The following CACNA2D1 variants were observed in gnomAD, a reference collection of about 807,000 sequenced individuals.
CACNA2D1 encodes the protein calcium voltage-gated channel auxiliary subunit alpha2delta 1.
CACNA2D1 carries 53 observed loss-of-function variants against 171.5 expected under a neutral mutation model. The observed-to-expected ratio is 0.31, with a 90% CI of 0.25 to 0.39. The LOEUF (loss-of-function observed/expected upper bound fraction) is 0.39, where lower values mean the gene tolerates loss of function less well. CACNA2D1 is among the 10% of genes least tolerant of loss of function. The probability of loss-of-function intolerance (pLI) is 1.00; values close to 1 mark genes in which losing one functional copy is unlikely to be tolerated. For missense variants in CACNA2D1, 903 were observed against 1,299.8 expected (o/e 0.69, Z 4.69); for synonymous variants, 442 against 443.1 (o/e 1.00, Z 0.03).
At chr7:82,062,451 T>C (rs538335823) in intron 9 of CACNA2D1, among the ~76,000 whole-genome samples, 1 of 152,320 alleles carries the variant, frequency 6.6e-6, no homozygotes, top group African/African-American at 2.4e-5. Context: ...GCTTTCCTGA[T>C]ACATTAAATC....
intron 1 of CACNA2D1, among the ~76,000 whole-genome samples, chr7:82,440,923 A>G (rs1830453442): frequency 6.6e-6 from 1 of 151,792 alleles, no homozygotes; most frequent in Admixed American, 6.6e-5. Flanking sequence ...TCTTCAGCTG[A>G]TAAAAACTTC....
chr7:82,010,336 A>G (rs752198809), intron 15 of CACNA2D1, among the ~76,000 whole-genome samples: 2 of 151,828 alleles, frequency 1.3e-5, no homozygotes, highest in Non-Finnish European at 2.9e-5. Flanking sequence ...AGTAAAAATA[A>G]CGCTATATGT....
At chr7:81,978,347 A>G (rs1796069447) in intron 24 of CACNA2D1, among the ~76,000 whole-genome samples, 2 of 152,194 alleles carry the variant, frequency 1.3e-5, no homozygotes, top group African/African-American at 2.4e-5. Flanking sequence ...ATGCTGATCA[A>G]TGATATAGAC....
intron 1 of CACNA2D1, among the ~76,000 whole-genome samples, chr7:82,362,240 T>C (rs1217529418): frequency 1.3e-5 from 2 of 152,186 alleles, no homozygotes; most frequent in African/African-American, 4.8e-5. Flanking sequence ...TTTTTTGTCA[T>C]TATTAGTCAT....
At chr7:82,124,258 G>A (rs947289429) in intron 5 of CACNA2D1, among the ~76,000 whole-genome samples, 3 of 152,054 alleles carry the variant, frequency 2.0e-5, no homozygotes, top group Non-Finnish European at 2.9e-5. Context: ...AAATCAAAAG[G>A]AAAACTCAAC....
At chr7:82,392,108 T>A (rs542659599) in intron 1 of CACNA2D1, among the ~76,000 whole-genome samples, 4 of 152,322 alleles carry the variant, frequency 2.6e-5, no homozygotes, top group East Asian at 3.9e-4. Context: ...TCTCTTCCCA[T>A]GTGGCACACT....
Position 82,117,129 on chromosome 7 carries a change from A to G in CACNA2D1, c.441T>C (p.Pro147=). 6.2e-7 allele frequency: 1 copy of G among 1,613,922 alleles called. No individual in the cohort carries two copies. The highest frequency in any genetic ancestry group is 1.1e-5 in the South Asian group (1 of 91,080). ...DSEPGSQRIK[P]VFIEDANFGR... ...CAAAATTAGCATCTTCAATGAAAAC[A>G]GGTTTTATCCTCTGGCTGCCTGGCT... Residue 147 remains proline, a synonymous_variant, in exon 6 of 39, where the codon CCT becomes CCC. Coordinates refer to ENST00000356860, the MANE Select transcript of CACNA2D1 (RefSeq NM_000722.4).
chr7:82,212,964 G>A (rs895288883), intron 3 of CACNA2D1, among the ~76,000 whole-genome samples: 9 of 151,376 alleles, frequency 5.9e-5, no homozygotes, highest in Admixed American at 1.3e-4. Flanking sequence ...GCAATGGTGC[G>A]ATCTCAGCTC....
intron 24 of CACNA2D1, among the ~76,000 whole-genome samples, chr7:81,978,774 C>T (rs932556181): frequency 9.7e-5 from 11 of 113,812 alleles, no homozygotes; most frequent in Admixed American, 3.7e-4. Context: ...TATATATACA[C>T]ACACACACAC....
At chr7:82,138,206 T>C (rs938176071) in intron 4 of CACNA2D1, among the ~76,000 whole-genome samples, 2 of 151,958 alleles carry the variant, frequency 1.3e-5, no homozygotes, top group Admixed American at 6.6e-5. Flanking sequence ...ACCACGAGAC[T>C]GAAACTCTAA....
intron 3 of CACNA2D1, among the ~76,000 whole-genome samples, chr7:82,259,877 T>G (rs1806848822): frequency 6.6e-6 from 1 of 152,228 alleles, no homozygotes. Context: ...TCTCTAAAAT[T>G]GATATAATTA....
chr7:82,300,010 A>G (rs1305417782), intron 3 of CACNA2D1, among the ~76,000 whole-genome samples: 2 of 152,194 alleles, frequency 1.3e-5, no homozygotes, highest in African/African-American at 4.8e-5. Flanking sequence ...TGAAACAAAC[A>G]AAAACTTGAA....
chr7:82,270,483 C>T (rs1808476841), intron 3 of CACNA2D1, among the ~76,000 whole-genome samples: 1 of 152,034 alleles, frequency 6.6e-6, no homozygotes, highest in African/African-American at 2.4e-5. Flanking sequence ...GTTTATTTAT[C>T]CAATCTTTCG....
rs187174068 is a variant in CACNA2D1, at chr7:82,206,060, T to G, written c.295-35451A>C. Reference sequence around the variant, plus strand: ...GACAATTTGTTTCTGAAGTATATGATTCTTCTATTAATCATGACTTTAAAA... The same window carrying G: ...GACAATTTGTTTCTGAAGTATATGAGTCTTCTATTAATCATGACTTTAAAA... On this transcript the variant is annotated intron_variant, in intron 3 of 38. Coordinates refer to ENST00000356860, the MANE Select transcript of CACNA2D1 (RefSeq NM_000722.4). Among the ~76,000 whole-genome samples, 361 of 152,230 alleles carry G rather than the reference T, an allele frequency of 2.4e-3. 2 individuals are homozygous for G. The highest frequency in any genetic ancestry group is 8.3e-3 in the African/African-American group (345 of 41,582).
chr7:82,316,231 C>T (rs1356859413), intron 3 of CACNA2D1, among the ~76,000 whole-genome samples: 1 of 152,072 alleles, frequency 6.6e-6, no homozygotes, highest in African/African-American at 2.4e-5. Context: ...CAGTATTCAA[C>T]ACTGTTCTAA....
intron 12 of CACNA2D1, among the ~76,000 whole-genome samples, chr7:82,027,238 G>A (rs1802043609): frequency 6.6e-6 from 1 of 151,532 alleles, no homozygotes; most frequent in African/African-American, 2.4e-5. Flanking sequence ...TAAGGGGATG[G>A]GTACTCAATT....
intron 3 of CACNA2D1, among the ~76,000 whole-genome samples, chr7:82,289,244 A>T (rs2129392468): frequency 6.6e-6 from 1 of 152,324 alleles, no homozygotes. Flanking sequence ...TGACTTTAAG[A>T]ATCAAGTATC....
intron 12 of CACNA2D1, among the ~76,000 whole-genome samples, chr7:82,030,418 A>C (rs914204452): frequency 7.9e-5 from 12 of 151,334 alleles, no homozygotes; most frequent in African/African-American, 1.5e-4. Flanking sequence ...AAAAAAAAAA[A>C]CAAAAAACAC....
At chr7:82,003,242 A>C in intron 18 of CACNA2D1, among the ~76,000 whole-genome samples, 1 of 152,204 alleles carries the variant, frequency 6.6e-6, no homozygotes, top group Admixed American at 6.5e-5. Flanking sequence ...TTTCTTTTTC[A>C]TGGTGTTCTG....
Sources: allele counts gnomAD v4.1 joint callset (sites outside exome capture counted in the v4.1 genomes callset), GRCh38; gene constraint gnomAD v4.1.1; transcripts MANE v1.5; gene names NCBI Gene and HGNC (gene_info 2026-07-23, HGNC 2026-07-21).